The following CFAP299 variants were observed in gnomAD, a reference collection of about 807,000 sequenced individuals.
CFAP299 encodes the protein cilia and flagella associated protein 299.
CFAP299 carries 21 observed loss-of-function variants against 27.0 expected under a neutral mutation model. The observed-to-expected ratio is 0.78, with a 90% CI of 0.55 to 1.12. The LOEUF (loss-of-function observed/expected upper bound fraction) is 1.12, where lower values mean the gene tolerates loss of function less well. CFAP299 is among the 50% of genes most tolerant of loss of function. CFAP299 has a pLI of 0.00. For missense variants in CFAP299, 310 were observed against 276.6 expected (o/e 1.12, Z -0.86); for synonymous variants, 104 against 98.1 (o/e 1.06, Z -0.36).
intron 3 of CFAP299, among the ~76,000 whole-genome samples, chr4:80,709,239 GATGTGGCTTCTTTGAAAGAC>G (rs972587182): frequency 1.3e-5 from 2 of 152,114 alleles, no homozygotes; most frequent in African/African-American, 4.8e-5. Flanking sequence ...CTTTGTAAAG[GATGTGGCTTCTTTGAAAGAC>G]ATTTTGGCTT....
At chr4:80,851,930 T>C (rs1256067717) in intron 3 of CFAP299, among the ~76,000 whole-genome samples, 2 of 152,296 alleles carry the variant, frequency 1.3e-5, no homozygotes, top group East Asian at 3.9e-4. Context: ...AGCTGGTGTT[T>C]ATTATTGATC....
chr4:80,724,452 G>A (rs1432622750), intron 3 of CFAP299, among the ~76,000 whole-genome samples: 4 of 151,806 alleles, frequency 2.6e-5, no homozygotes. Context: ...TAAAAAATGA[G>A]TAATTTTTTA....
At chr4:80,388,701 A>G (rs1725165560) in intron 2 of CFAP299, 1 of 814,834 alleles carries the variant, frequency 1.2e-6, no homozygotes, top group Non-Finnish European at 2.1e-6. Flanking sequence ...AGGGCCTTAA[A>G]GATCACCTGC....
intron 2 of CFAP299, among the ~76,000 whole-genome samples, chr4:80,440,145 C>T (rs1252003067): frequency 6.6e-5 from 10 of 152,192 alleles, no homozygotes; most frequent in African/African-American, 2.2e-4. Flanking sequence ...CTTAAACGTT[C>T]CTGCCTGCCA....
chr4:80,376,194 C>T (rs750927402), intron 2 of CFAP299, among the ~76,000 whole-genome samples: 1 of 151,864 alleles, frequency 6.6e-6, no homozygotes, highest in Non-Finnish European at 1.5e-5. Flanking sequence ...CTTTTTTTCA[C>T]TAATCATAAA....
intron 2 of CFAP299, among the ~76,000 whole-genome samples, chr4:80,479,281 T>C (rs1730437917): frequency 6.6e-6 from 1 of 151,986 alleles, no homozygotes. Flanking sequence ...TGTGAAAATA[T>C]GAAGATTTTG....
chr4:80,781,415 C>G (rs1726870296), intron 3 of CFAP299, among the ~76,000 whole-genome samples: 2 of 151,894 alleles, frequency 1.3e-5, no homozygotes, highest in African/African-American at 4.8e-5. Context: ...AGGTAAACAC[C>G]TATATTTTGT....
At chr4:80,482,156 G>A (rs1041400928) in intron 2 of CFAP299, among the ~76,000 whole-genome samples, 6 of 151,658 alleles carry the variant, frequency 4.0e-5, no homozygotes, top group African/African-American at 9.7e-5. Flanking sequence ...ATTTTATTAT[G>A]CTTGAAATTC....
chr4:80,502,136 A>G (rs1166697151), intron 2 of CFAP299, among the ~76,000 whole-genome samples: 1 of 152,092 alleles, frequency 6.6e-6, no homozygotes, highest in Non-Finnish European at 1.5e-5. Flanking sequence ...ATTCAAGACC[A>G]CTGTGGATCA....
intron 3 of CFAP299, among the ~76,000 whole-genome samples, chr4:80,700,533 T>C (rs1305236998): frequency 1.3e-5 from 2 of 152,056 alleles, no homozygotes; most frequent in African/African-American, 4.8e-5. Flanking sequence ...GCCACTCGTG[T>C]ATCTAAGTAG....
At position 80,890,302 on chromosome 4, in the gene CFAP299, A is replaced by G. The variant is rs1413485411; in HGVS notation, c.476+20167A>G. Among the ~76,000 whole-genome samples, 4 of 152,320 alleles carry G rather than the reference A, an allele frequency of 2.6e-5. No homozygotes were observed. In the South Asian group the frequency reaches 8.3e-4, roughly 32 times the overall value. ...AAGTTGCGTGATACAAAATCAACAT[A>G]TAAAAATCAGGAGCATTTTTATATA... On this transcript the variant is annotated intron_variant, in intron 4 of 5. Coordinates refer to ENST00000358105, the MANE Select transcript of CFAP299 (RefSeq NM_152770.3).
intron 2 of CFAP299, among the ~76,000 whole-genome samples, chr4:80,402,358 C>T (rs914202773): frequency 6.6e-6 from 1 of 152,096 alleles, no homozygotes; most frequent in Non-Finnish European, 1.5e-5. Context: ...TGGGAAGAAC[C>T]CAGAGGGGAG....
chr4:80,855,259 T>C (rs1249022497), intron 3 of CFAP299, among the ~76,000 whole-genome samples: 3 of 152,136 alleles, frequency 2.0e-5, no homozygotes, highest in Non-Finnish European at 4.4e-5. Flanking sequence ...GAAGTTAGTA[T>C]TTTTCATTGA....
At chr4:80,688,896 G>T (rs1316223922) in intron 3 of CFAP299, among the ~76,000 whole-genome samples, 1 of 152,034 alleles carries the variant, frequency 6.6e-6, no homozygotes, top group Admixed American at 6.5e-5. Context: ...CGTGAAGAAT[G>T]CAGAAGCCTC....
At chr4:80,616,013 C>T (rs1468086748) in intron 3 of CFAP299, among the ~76,000 whole-genome samples, 1 of 152,190 alleles carries the variant, frequency 6.6e-6, no homozygotes, top group East Asian at 1.9e-4. Context: ...CTAACTCACT[C>T]TAAGAAAACA....
intron 3 of CFAP299, among the ~76,000 whole-genome samples, chr4:80,641,615 C>A (rs1384567078): frequency 6.6e-6 from 1 of 152,110 alleles, no homozygotes; most frequent in Admixed American, 6.6e-5. Flanking sequence ...ATATATTATG[C>A]ACAAAATATT....
At chr4:80,661,270 G>T (rs544819292) in intron 3 of CFAP299, among the ~76,000 whole-genome samples, 4 of 148,738 alleles carry the variant, frequency 2.7e-5, no homozygotes, top group Admixed American at 6.8e-5. Flanking sequence ...AGGTTGCAGT[G>T]AGCCCAGATT....
chr4:80,334,948 A>T (rs2109960639), upstream of CFAP299, among the ~76,000 whole-genome samples: 1 of 152,366 alleles, frequency 6.6e-6, no homozygotes, highest in East Asian at 1.9e-4. Context: ...ATTCCCAAGG[A>T]TGGTTTGTAA....
At chr4:80,684,782 A>T (rs1720079697) in intron 3 of CFAP299, among the ~76,000 whole-genome samples, 1 of 152,026 alleles carries the variant, frequency 6.6e-6, no homozygotes. Flanking sequence ...AGTCACTGTC[A>T]TGCTTTTTTT....
Sources: allele counts gnomAD v4.1 joint callset (sites outside exome capture counted in the v4.1 genomes callset), GRCh38; gene constraint gnomAD v4.1.1; transcripts MANE v1.5; gene names NCBI Gene and HGNC (gene_info 2026-07-23, HGNC 2026-07-21).